The following NSUN6 variants were observed in gnomAD, a reference collection of about 807,000 sequenced individuals.
NSUN6 encodes NOP2/Sun RNA methyltransferase 6.
A neutral mutation model predicts 58.0 loss-of-function variants in NSUN6; 64 were observed. That is an observed-to-expected ratio of 1.10 (90% CI 0.90 to 1.36). The LOEUF is 1.36. Ranked by LOEUF, NSUN6 falls within the 40% of genes most tolerant of loss-of-function variation. The probability of loss-of-function intolerance (pLI) is 0.00; values close to 1 mark genes in which losing one functional copy is unlikely to be tolerated. For synonymous variants in NSUN6, 231 were observed against 193.9 expected, an observed-to-expected ratio of 1.19 and a Z score of -1.59; for missense variants, 701 against 550.1, an observed-to-expected ratio of 1.27 and a Z score of -2.74.
At chr10:18,588,881 C>T (rs1206507686) in intron 7 of NSUN6, among the ~76,000 whole-genome samples, 1 of 152,156 alleles carries the variant, frequency 6.6e-6, no homozygotes, top group Non-Finnish European at 1.5e-5. Context: ...ATCGCAACTC[C>T]TCTCCAGCAA....
upstream of NSUN6, chr10:18,658,592 CA>C (rs761242241): frequency 3.1e-5 from 26 of 844,254 alleles, no homozygotes; most frequent in Non-Finnish European, 3.6e-5. Flanking sequence ...TAATGCTTGG[CA>C]AAATGGAGAG....
At chr10:18,644,506 T>TC (rs1301279037) in intron 2 of NSUN6, among the ~76,000 whole-genome samples, 5 of 151,598 alleles carry the variant, frequency 3.3e-5, no homozygotes, top group Non-Finnish European at 7.4e-5. Context: ...TATGTCTTTT[T>TC]TTTTTTTACT....
At chr10:18,566,220 C>T (rs2055926564) in intron 8 of NSUN6, among the ~76,000 whole-genome samples, 1 of 146,454 alleles carries the variant, frequency 6.8e-6, no homozygotes, top group African/African-American at 2.5e-5. Context: ...ATTCTGTAAT[C>T]CATTCCATTC....
intron 6 of NSUN6, among the ~76,000 whole-genome samples, chr10:18,608,739 T>G (rs532535853): frequency 6.6e-6 from 1 of 150,798 alleles, no homozygotes; most frequent in African/African-American, 2.4e-5. Flanking sequence ...CTGGAAGGAG[T>G]GCAGGTATCA....
At chr10:18,575,037 T>C (rs1470841881) in intron 8 of NSUN6, among the ~76,000 whole-genome samples, 1 of 152,102 alleles carries the variant, frequency 6.6e-6, no homozygotes, top group Non-Finnish European at 1.5e-5. Flanking sequence ...AAGGAAAAAC[T>C]AATAAAAATA....
At chr10:18,643,339 G>A (rs1464779356) in intron 2 of NSUN6, among the ~76,000 whole-genome samples, 2 of 151,690 alleles carry the variant, frequency 1.3e-5, no homozygotes, top group African/African-American at 4.8e-5. Flanking sequence ...TACTCTATTA[G>A]AGGGCAGCAC....
At chr10:18,555,595 GGAGAATGGAATGGAATA>G (rs959288416) in intron 8 of NSUN6, among the ~76,000 whole-genome samples, 2 of 148,600 alleles carry the variant, frequency 1.3e-5, no homozygotes, top group Admixed American at 6.7e-5. Context: ...GAAATGGAGT[GGAGAATGGAATGGAATA>G]GAGAATGGAA....
chr10:18,576,034 G>C (rs1030639913), intron 8 of NSUN6, among the ~76,000 whole-genome samples: 6 of 152,094 alleles, frequency 3.9e-5, no homozygotes, highest in Admixed American at 2.6e-4. Flanking sequence ...AGTCCGTACA[G>C]CTGAGAGAGG....
intron 7 of NSUN6, among the ~76,000 whole-genome samples, chr10:18,594,330 C>T (rs2057497163): frequency 6.6e-6 from 1 of 152,238 alleles, no homozygotes; most frequent in Non-Finnish European, 1.5e-5. Context: ...TTTTCTTTTA[C>T]ACTGCCCTTG....
intron 5 of NSUN6, among the ~76,000 whole-genome samples, chr10:18,613,941 C>T (rs565321891): frequency 3.4e-4 from 51 of 152,202 alleles, no homozygotes; most frequent in African/African-American, 1.2e-3. Context: ...TATTTAGGGC[C>T]ACTAGCAACC....
intron 8 of NSUN6, among the ~76,000 whole-genome samples, chr10:18,584,722 C>G (rs1400907996): frequency 1.3e-5 from 2 of 151,962 alleles, no homozygotes; most frequent in Non-Finnish European, 2.9e-5. Context: ...GATCCACAAC[C>G]AGATACATCA....
At chr10:18,655,770 CCA>C (rs35716867), upstream of NSUN6, among the ~76,000 whole-genome samples, 84,836 of 151,710 alleles carry the variant, frequency 0.56, 24,230 homozygotes, top group East Asian at 0.97. Flanking sequence ...ACCATGACTG[CCA>C]CACTGAGCAG....
At chr10:18,567,178 C>T (rs1453913703) in intron 8 of NSUN6, among the ~76,000 whole-genome samples, 2 of 150,938 alleles carry the variant, frequency 1.3e-5, no homozygotes, top group Admixed American at 6.6e-5. Flanking sequence ...TCATTCTATT[C>T]CATTCTCCCT....
At position 18,596,268 on chromosome 10, in the gene NSUN6, T is replaced by G. The variant is rs2057582093; in HGVS notation, c.717A>C (p.Leu239=). The stretch of plus-strand genomic sequence containing the variant: ...TCCCTCCAGGTGCTGCACACAAGTC[T>G]AGAATCTTCTCTCCAGGTTGAGGAT... ...VLNPQPGEKI[L]DLCAAPGGKT... is the part of the protein sequence containing the mutation. The change falls in exon 7 of 11, where the codon CTA becomes CTC. Residue 239 remains leucine (L), a synonymous_variant. Transcript: ENST00000377304. The G allele has an allele frequency of 1.2e-6, 2 of 1,605,654 alleles. No homozygotes were observed. Among genetic ancestry groups the G allele is most frequent in the Non-Finnish European group, 1.7e-6 (2 of 1,172,258 alleles).
chr10:18,546,280 T>C, intron 10 of NSUN6, 135 bp from the exon 11 acceptor site: 2 of 708,234 alleles, frequency 2.8e-6, no homozygotes, highest in Non-Finnish European at 5.1e-6. Context: ...TAAATGCCTT[T>C]CATTTTGGTG....
At chr10:18,589,772 A>C (rs2131151344) in intron 7 of NSUN6, among the ~76,000 whole-genome samples, 1 of 152,346 alleles carries the variant, frequency 6.6e-6, no homozygotes. Flanking sequence ...TAAATATGGA[A>C]AGGAAAAACC....
At chr10:18,651,863 G>A (rs1395391398), upstream of NSUN6, 1 of 985,320 alleles carries the variant, frequency 1.0e-6, no homozygotes, top group Non-Finnish European at 1.2e-6. Context: ...GGGCAATGGG[G>A]AAACAGCCAA....
intron 8 of NSUN6, among the ~76,000 whole-genome samples, chr10:18,567,037 C>T (rs2056009272): frequency 6.6e-6 from 1 of 151,476 alleles, no homozygotes; most frequent in Admixed American, 6.6e-5. Context: ...CCATTCCATT[C>T]CATATTCTAT....
intron 3 of NSUN6, among the ~76,000 whole-genome samples, chr10:18,626,872 T>G (rs957718451): frequency 2.0e-5 from 3 of 152,234 alleles, no homozygotes; most frequent in Non-Finnish European, 4.4e-5. Flanking sequence ...ACATATTCAA[T>G]TGTGAAAGAA....
Sources: gnomAD v4.1 joint callset for allele counts (sites outside exome capture counted in the v4.1 genomes callset) on GRCh38, gnomAD v4.1.1 for gene constraint, MANE v1.5 for transcripts, NCBI Gene and HGNC (gene_info 2026-07-23, HGNC 2026-07-21) for gene names.